The following TMEM132D variants were observed in gnomAD, a reference collection of about 807,000 sequenced individuals.
The protein encoded by TMEM132D is mature OL transmembrane protein.
In TMEM132D, 21 loss-of-function variants were observed where a neutral mutation model predicts 62.3. The ratio of observed to expected loss-of-function variants is 0.34; its 90% CI spans 0.24 to 0.49. The LOEUF is 0.49. TMEM132D is among the 20% of genes least tolerant of loss of function. The pLI is 0.99. For synonymous variants in TMEM132D, 621 were observed against 575.6 expected, an observed-to-expected ratio of 1.08 and a Z score of -1.13; for missense variants, 1,346 against 1,402.8, an observed-to-expected ratio of 0.96 and a Z score of 0.65.
chr12:129,722,742 C>CTT (rs67984947), intron 1 of TMEM132D, among the ~76,000 whole-genome samples: 1,572 of 81,888 alleles, frequency 0.019, 33 homozygotes, highest in African/African-American at 0.052. Flanking sequence ...TTCTTTTTTT[C>CTT]TTTTTTTTTT....
intron 1 of TMEM132D, among the ~76,000 whole-genome samples, chr12:129,733,697 G>A (rs1869327581): frequency 6.6e-6 from 1 of 152,000 alleles, no homozygotes; most frequent in African/African-American, 2.4e-5. Context: ...AGGTGGGGGT[G>A]GGGGAAGAAA....
At chr12:129,408,365 C>G (rs1473218809) in intron 3 of TMEM132D, among the ~76,000 whole-genome samples, 1 of 151,276 alleles carries the variant, frequency 6.6e-6, no homozygotes, top group Non-Finnish European at 1.5e-5. Flanking sequence ...GAACACTGAA[C>G]TGCTAGCATT....
rs1326908925 is a variant in TMEM132D, at chr12:129,770,394, G to A, written c.80-69696C>T. Among the ~76,000 whole-genome samples the A allele has an allele frequency of 9.9e-5, 15 of 152,086 alleles. No individual in the cohort carries two copies. The South Asian group carries it at 1.0e-3, about 11-fold the overall frequency. On this transcript the variant is annotated intron_variant, in intron 1 of 8. Coordinates refer to ENST00000422113, the MANE Select transcript of TMEM132D (RefSeq NM_133448.3). Reference sequence around the variant, plus strand: ...CCTGGCCTCGTGATCTGCCTGCCTCGGCCTCCCAAAATGCTGGGATTACAG... The same window carrying A: ...CCTGGCCTCGTGATCTGCCTGCCTCAGCCTCCCAAAATGCTGGGATTACAG...
intron 3 of TMEM132D, among the ~76,000 whole-genome samples, chr12:129,363,341 T>C (rs973974034): frequency 1.3e-5 from 2 of 152,222 alleles, no homozygotes; most frequent in East Asian, 1.9e-4. Context: ...AATACTGAAA[T>C]AAGTGACGAG....
chr12:129,776,422 CTTTAT>C (rs1250314595), intron 1 of TMEM132D, among the ~76,000 whole-genome samples: 2 of 149,560 alleles, frequency 1.3e-5, no homozygotes, highest in Non-Finnish European at 3.0e-5. Flanking sequence ...TCCAATGATG[CTTTAT>C]TTTATTTGTC....
At chr12:129,287,038 ACT>A (rs1183120896) in intron 4 of TMEM132D, among the ~76,000 whole-genome samples, 1 of 142,382 alleles carries the variant, frequency 7.0e-6, no homozygotes, top group Admixed American at 7.3e-5. Flanking sequence ...ACAGAGTGAG[ACT>A]CTGTCAAAAA....
intron 5 of TMEM132D, among the ~76,000 whole-genome samples, chr12:129,089,023 C>T (rs1445240198): frequency 2.5e-5 from 1 of 40,410 alleles, no homozygotes. Context: ...CCTCCATGAC[C>T]GGGTGTCCTC....
intron 3 of TMEM132D, among the ~76,000 whole-genome samples, chr12:129,450,667 C>T (rs543728549): frequency 9.2e-5 from 14 of 152,030 alleles, no homozygotes; most frequent in African/African-American, 3.4e-4. Flanking sequence ...GGCATCCCTG[C>T]AACAGGGTCC....
chr12:129,317,960 A>G (rs1414022921), intron 4 of TMEM132D, among the ~76,000 whole-genome samples: 1 of 152,080 alleles, frequency 6.6e-6, no homozygotes, highest in Non-Finnish European at 1.5e-5. Context: ...GGCATTTCAC[A>G]TTTCTAAAAA....
intron 1 of TMEM132D, among the ~76,000 whole-genome samples, chr12:129,883,387 A>C (rs1372273916): frequency 2.0e-5 from 3 of 152,170 alleles, no homozygotes; most frequent in Admixed American, 1.3e-4. Context: ...ACCTAAATAA[A>C]TTGTCAGACA....
intron 5 of TMEM132D, among the ~76,000 whole-genome samples, chr12:129,096,065 G>A (rs1410202928): frequency 3.3e-5 from 5 of 152,162 alleles, no homozygotes; most frequent in Non-Finnish European, 7.4e-5. Flanking sequence ...AGCTGCCATC[G>A]AGGACAACTG....
chr12:129,197,160 C>T (rs865939292), intron 5 of TMEM132D, among the ~76,000 whole-genome samples: 12 of 152,124 alleles, frequency 7.9e-5, no homozygotes, highest in South Asian at 2.1e-4. Context: ...TGTGGCTGTG[C>T]GGCAATGAAA....
intron 2 of TMEM132D, among the ~76,000 whole-genome samples, chr12:129,580,961 G>A (rs1035563966): frequency 3.3e-5 from 5 of 152,068 alleles, no homozygotes; most frequent in African/African-American, 9.7e-5. Flanking sequence ...TGCAATGCAC[G>A]GACAACATTA....
intron 3 of TMEM132D, among the ~76,000 whole-genome samples, chr12:129,494,593 T>G (rs1470909792): frequency 6.6e-6 from 1 of 152,220 alleles, no homozygotes; most frequent in African/African-American, 2.4e-5. Flanking sequence ...ATTTTTCAGC[T>G]TTGATCATTG....
chr12:129,272,211 T>C (rs1326028696), intron 4 of TMEM132D, among the ~76,000 whole-genome samples: 1 of 151,876 alleles, frequency 6.6e-6, no homozygotes, highest in Non-Finnish European at 1.5e-5. Flanking sequence ...CCGCATGCCC[T>C]GGGCACTTGC....
chr12:129,528,543 G>A (rs1161484647), intron 3 of TMEM132D, among the ~76,000 whole-genome samples: 1 of 151,872 alleles, frequency 6.6e-6, no homozygotes, highest in Admixed American at 6.6e-5. Context: ...AATCGCAGTT[G>A]CCAGTCCTTT....
At chr12:129,344,843 T>C (rs1294711971) in intron 3 of TMEM132D, among the ~76,000 whole-genome samples, 1 of 151,994 alleles carries the variant, frequency 6.6e-6, no homozygotes, top group South Asian at 2.1e-4. Flanking sequence ...TGCAAAACAT[T>C]GGGAGCAAAA....
At chr12:129,774,304 C>T (rs908096384) in intron 1 of TMEM132D, among the ~76,000 whole-genome samples, 2 of 152,190 alleles carry the variant, frequency 1.3e-5, no homozygotes, top group South Asian at 2.1e-4. Flanking sequence ...TTTCTCTTTA[C>T]GTCCTCATCT....
chr12:129,736,754 T>C (rs1869438466), intron 1 of TMEM132D, among the ~76,000 whole-genome samples: 1 of 151,738 alleles, frequency 6.6e-6, no homozygotes. Flanking sequence ...TAGGCCTAAA[T>C]ATTCAGAGGA....
Sources: allele counts gnomAD v4.1 joint callset (sites outside exome capture counted in the v4.1 genomes callset), GRCh38; gene constraint gnomAD v4.1.1; transcripts MANE v1.5; gene names NCBI Gene and HGNC (gene_info 2026-07-23, HGNC 2026-07-21).